The following PARD3B variants were observed in gnomAD, a reference collection of about 807,000 sequenced individuals.
PARD3B encodes partitioning defective 3 homolog B.
PARD3B carries 103 observed loss-of-function variants against 130.2 expected under a neutral mutation model. That is an observed-to-expected ratio of 0.79 (90% confidence interval 0.67 to 0.93). The LOEUF is 0.93. Among genes scored for constraint, PARD3B ranks in the 40% least tolerant of loss-of-function variants. The pLI is 0.00. For synonymous variants in PARD3B, 583 were observed against 553.2 expected, an observed-to-expected ratio of 1.05 and a Z score of -0.76; for missense variants, 1,609 against 1,499.2, an observed-to-expected ratio of 1.07 and a Z score of -1.21.
chr2:204,866,630 C>T (rs1303021440), intron 2 of PARD3B, among the ~76,000 whole-genome samples: 1 of 151,152 alleles, frequency 6.6e-6, no homozygotes, highest in South Asian at 2.1e-4. Flanking sequence ...AGATTATGTT[C>T]TCTGATGAGT....
chr2:204,686,140 A>G (rs2037068152), intron 1 of PARD3B, 41 bp from the exon 2 acceptor site: 1 of 1,355,476 alleles, frequency 7.4e-7, no homozygotes, highest in African/African-American at 1.4e-5. Flanking sequence ...TAACTTTTTA[A>G]CATAGATTAG....
At chr2:205,007,101 T>C (rs184543256) in intron 3 of PARD3B, among the ~76,000 whole-genome samples, 1 of 152,122 alleles carries the variant, frequency 6.6e-6, no homozygotes, top group Non-Finnish European at 1.5e-5. Context: ...GTTCTCATGA[T>C]AGTGAGTGAG....
At chr2:204,973,483 A>T (rs902766618) in intron 3 of PARD3B, among the ~76,000 whole-genome samples, 3 of 136,848 alleles carry the variant, frequency 2.2e-5, no homozygotes, top group Non-Finnish European at 4.6e-5. Flanking sequence ...TGACAATGTA[A>T]ATGTAATGTT....
At chr2:205,516,389 G>A (rs937033548) in intron 21 of PARD3B, among the ~76,000 whole-genome samples, 2 of 152,324 alleles carry the variant, frequency 1.3e-5, no homozygotes, top group Non-Finnish European at 2.9e-5. Context: ...TCCTATTCAT[G>A]AGCATGGAAT....
chr2:204,973,372 C>A (rs1691868937), intron 3 of PARD3B, among the ~76,000 whole-genome samples: 1 of 152,124 alleles, frequency 6.6e-6, no homozygotes, highest in Non-Finnish European at 1.5e-5. Context: ...TCTAATCATT[C>A]CTAAATAAAT....
In PARD3B at chr2:205,146,120, A is replaced by G. The variant is rs188825032; in HGVS notation, c.1435-12602A>G. The stretch of plus-strand genomic sequence containing the variant: ...TCCTGGGTGCAAGTCTCATCTGTGG[A>G]TACAGCAGGCACCGTAGCCCATGTA... On this transcript the variant is annotated intron_variant, in intron 10 of 22. Transcript: ENST00000406610. This position sits in a 1 kb window ranked among gnomAD's most constrained non-coding sequence, Gnocchi z 4.3. 3.0e-3 allele frequency among the ~76,000 whole-genome samples: 456 copies of G among 152,310 alleles called. No homozygotes were observed. Among genetic ancestry groups the G allele is most frequent in the African/African-American group, 8.8e-3 (366 of 41,566 alleles).
chr2:204,631,257 T>C (rs1406496198), intron 1 of PARD3B, among the ~76,000 whole-genome samples: 1 of 151,532 alleles, frequency 6.6e-6, no homozygotes, highest in Non-Finnish European at 1.5e-5. Flanking sequence ...TCTTTTTTTT[T>C]TTTTTGTTTT....
At chr2:205,404,157 C>T (rs528507089) in intron 19 of PARD3B, among the ~76,000 whole-genome samples, 3 of 152,282 alleles carry the variant, frequency 2.0e-5, no homozygotes, top group African/African-American at 7.2e-5. Context: ...TCCATATCCA[C>T]GTCTTCCACA....
intron 15 of PARD3B, among the ~76,000 whole-genome samples, chr2:205,224,144 C>T (rs1402780831): frequency 1.0e-4 from 15 of 149,908 alleles, no homozygotes; most frequent in South Asian, 4.2e-4. Context: ...CTGAGGCAGG[C>T]GGATCATGAG....
chr2:205,467,439 T>C (rs2048666932), intron 20 of PARD3B, among the ~76,000 whole-genome samples: 5 of 152,208 alleles, frequency 3.3e-5, no homozygotes. Flanking sequence ...CTCTATCCAA[T>C]AGAGATATAA....
chr2:205,031,798 A>G (rs558851491), intron 3 of PARD3B, among the ~76,000 whole-genome samples: 93 of 152,260 alleles, frequency 6.1e-4, no homozygotes, highest in African/African-American at 2.1e-3. Flanking sequence ...ATTCTGCTAT[A>G]ATTTGCTTTA....
In PARD3B at chr2:205,280,982, A is replaced by G. The variant is rs771394275; in HGVS notation, c.2186-19548A>G. Among the ~76,000 whole-genome samples, 12 of 152,204 alleles carry G rather than the reference A, an allele frequency of 7.9e-5. No individual in the cohort carries two copies. Among genetic ancestry groups the G allele is most frequent in the Non-Finnish European group, 1.5e-4 (10 of 68,034 alleles). On this transcript the variant is annotated intron_variant, in intron 16 of 22. Transcript: ENST00000406610. This position sits in a 1 kb window ranked among gnomAD's most constrained non-coding sequence, Gnocchi z 4.7. Reference sequence around the variant, plus strand: ...CCAGATCCAGTATTTTAAAAGCCATAAATTTTAACTTTACTTATGAGCAAA... The same window carrying G: ...CCAGATCCAGTATTTTAAAAGCCATGAATTTTAACTTTACTTATGAGCAAA...
chr2:204,918,305 T>C (rs1164940371), intron 2 of PARD3B, among the ~76,000 whole-genome samples: 1 of 152,242 alleles, frequency 6.6e-6, no homozygotes, highest in African/African-American at 2.4e-5. Context: ...AGAAATTTCT[T>C]TGCTAGACTT....
intron 21 of PARD3B, among the ~76,000 whole-genome samples, chr2:205,536,988 AT>A (rs1421452050): frequency 1.3e-5 from 2 of 152,174 alleles, no homozygotes; most frequent in African/African-American, 2.4e-5. Context: ...CTTCATCCTA[AT>A]GGATTATACC....
intron 2 of PARD3B, among the ~76,000 whole-genome samples, chr2:204,745,132 T>C (rs77977315): frequency 0.012 from 1,751 of 152,224 alleles, 22 homozygotes; most frequent in African/African-American, 0.04. Context: ...AGATGGAGGA[T>C]AGAAGATGGA....
chr2:205,386,314 G>T (rs2105963195), intron 18 of PARD3B, among the ~76,000 whole-genome samples: 1 of 152,200 alleles, frequency 6.6e-6, no homozygotes, highest in South Asian at 2.1e-4. Flanking sequence ...CTGTGGTAAT[G>T]GAAAAGATCC....
chr2:205,488,296 G>A (rs1398491561), intron 20 of PARD3B, among the ~76,000 whole-genome samples: 3 of 152,010 alleles, frequency 2.0e-5, no homozygotes, highest in Non-Finnish European at 4.4e-5. Flanking sequence ...CACAGGGCCA[G>A]GCACTAGATT....
intron 4 of PARD3B, among the ~76,000 whole-genome samples, chr2:205,095,103 T>G (rs1702321764): frequency 6.6e-6 from 1 of 152,176 alleles, no homozygotes; most frequent in Admixed American, 6.6e-5. Context: ...TTTAGCATGA[T>G]CTGAAGCAGA....
At chr2:205,020,663 G>C (rs1696525650) in intron 3 of PARD3B, among the ~76,000 whole-genome samples, 1 of 152,098 alleles carries the variant, frequency 6.6e-6, no homozygotes, top group Non-Finnish European at 1.5e-5. Flanking sequence ...GTTACCTACA[G>C]GACCTTGTTA....
Sources: allele counts gnomAD v4.1 joint callset (sites outside exome capture counted in the v4.1 genomes callset), GRCh38; gene constraint gnomAD v4.1.1; non-coding constraint Gnocchi (gnomAD v3.1); transcripts MANE v1.5; gene names NCBI Gene and HGNC (gene_info 2026-07-23, HGNC 2026-07-21).